The following GRIA1 variants were observed in gnomAD, a reference collection of about 807,000 sequenced individuals.
GRIA1 encodes glutamate receptor 1.
Under a neutral mutation model 99.2 loss-of-function variants are expected in GRIA1, and 31 were observed. The ratio of observed to expected loss-of-function variants is 0.31; its 90% CI spans 0.23 to 0.42. The LOEUF is 0.42. Ranked by LOEUF, GRIA1 falls within the 10% of genes least tolerant of loss-of-function variation. The pLI is 1.00. For synonymous variants in GRIA1, 438 were observed against 432.4 expected, an observed-to-expected ratio of 1.01 and a Z score of -0.16; for missense variants, 782 against 1,157.5, an observed-to-expected ratio of 0.68 and a Z score of 4.71.
chr5:153,528,736 T>A (rs1757833423), intron 2 of GRIA1, among the ~76,000 whole-genome samples: 3 of 152,314 alleles, frequency 2.0e-5, no homozygotes, highest in South Asian at 4.1e-4. Flanking sequence ...GTGTCTCCTC[T>A]CATAGTAGAC....
intron 11 of GRIA1, among the ~76,000 whole-genome samples, chr5:153,761,523 G>T (rs973132815): frequency 1.3e-5 from 2 of 152,112 alleles, no homozygotes; most frequent in East Asian, 3.9e-4. Flanking sequence ...AATAACAAAT[G>T]CTAGCAAGGG....
At chr5:153,516,463 A>C (rs996782672) in intron 2 of GRIA1, among the ~76,000 whole-genome samples, 2 of 151,996 alleles carry the variant, frequency 1.3e-5, no homozygotes, top group African/African-American at 4.8e-5. Context: ...GATTTTACCA[A>C]TGAACAAAGG....
chr5:153,743,353 G>T (rs1444014473), intron 11 of GRIA1, among the ~76,000 whole-genome samples: 1 of 152,124 alleles, frequency 6.6e-6, no homozygotes, highest in Non-Finnish European at 1.5e-5. Context: ...AGTCCAGTAG[G>T]CTGTGACTTG....
At chr5:153,506,316 G>GGT (rs61220170) in intron 2 of GRIA1, among the ~76,000 whole-genome samples, 6,616 of 140,304 alleles carry the variant, frequency 0.047, 222 homozygotes, top group African/African-American at 0.091. Flanking sequence ...TGGCAAGAAG[G>GGT]GTGTGTGTGT....
At chr5:153,600,676 G>T (rs1299789107) in intron 2 of GRIA1, among the ~76,000 whole-genome samples, 1 of 152,118 alleles carries the variant, frequency 6.6e-6, no homozygotes, top group Non-Finnish European at 1.5e-5. Context: ...TTGCCAGGCT[G>T]GGGGGCCAAA....
intron 11 of GRIA1, among the ~76,000 whole-genome samples, chr5:153,751,807 A>G (rs1432884544): frequency 6.6e-6 from 1 of 152,358 alleles, no homozygotes; most frequent in Non-Finnish European, 1.5e-5. Context: ...TAAACGATAC[A>G]TACACTATTT....
At chr5:153,594,365 C>A (rs1561671950) in intron 2 of GRIA1, among the ~76,000 whole-genome samples, 2 of 152,148 alleles carry the variant, frequency 1.3e-5, no homozygotes, top group Non-Finnish European at 2.9e-5. Flanking sequence ...TTCCAAGATT[C>A]TATTTCTTTG....
chr5:153,666,267 G>A (rs1265254561), intron 5 of GRIA1, among the ~76,000 whole-genome samples: 1 of 152,134 alleles, frequency 6.6e-6, no homozygotes, highest in Non-Finnish European at 1.5e-5. Context: ...ACGCTGTGGG[G>A]GCCAACGTCC....
chr5:153,811,496 A>G lies in GRIA1; in HGVS notation c.*271A>G, dbSNP rs1047406581. The G allele has an allele frequency of 7.5e-6, 3 of 398,086 alleles. No individual in the cohort carries two copies. The highest frequency in any genetic ancestry group is 1.4e-5 in the Non-Finnish European group (3 of 212,466). The allele number at this position is 398,086 out of a possible 1,614,324, so 24.7% of individuals were successfully genotyped here. On this transcript the variant is annotated 3_prime_UTR_variant, in exon 16 of 16. Transcript: ENST00000285900. Reference sequence around the variant, plus strand: ...CAATAAGGGGAGAGTAACCCTGTCTAATGAAACCTGTGTCTCTGAGAGTAG... The same window carrying G: ...CAATAAGGGGAGAGTAACCCTGTCTGATGAAACCTGTGTCTCTGAGAGTAG...
chr5:153,534,461 C>T (rs1396606094), intron 2 of GRIA1, among the ~76,000 whole-genome samples: 2 of 152,180 alleles, frequency 1.3e-5, no homozygotes, highest in Non-Finnish European at 2.9e-5. Context: ...AGGTAGTAAA[C>T]ACTTCAGAAA....
intron 2 of GRIA1, among the ~76,000 whole-genome samples, chr5:153,634,065 C>T (rs988930318): frequency 6.6e-6 from 1 of 151,942 alleles, no homozygotes; most frequent in African/African-American, 2.4e-5. Context: ...TCCTGTAATC[C>T]CAGCATTTTG....
intron 2 of GRIA1, among the ~76,000 whole-genome samples, chr5:153,536,219 C>T (rs1293875329): frequency 3.9e-5 from 6 of 152,154 alleles, no homozygotes; most frequent in Admixed American, 3.9e-4. Flanking sequence ...TGCCCTCTGA[C>T]CAAACTCAAT....
At chr5:153,759,561 A>G (rs1479171952) in intron 11 of GRIA1, among the ~76,000 whole-genome samples, 1 of 152,044 alleles carries the variant, frequency 6.6e-6, no homozygotes, top group Non-Finnish European at 1.5e-5. Context: ...AATCAGTAAT[A>G]AAAAGTCTCC....
At chr5:153,652,084 G>C (rs1754616729) in intron 4 of GRIA1, among the ~76,000 whole-genome samples, 1 of 152,184 alleles carries the variant, frequency 6.6e-6, no homozygotes, top group Admixed American at 6.5e-5. Context: ...CCCACAGTAA[G>C]TGGTACAAGC....
chr5:153,529,694 G>C (rs1432872560), intron 2 of GRIA1, among the ~76,000 whole-genome samples: 1 of 152,254 alleles, frequency 6.6e-6, no homozygotes, highest in South Asian at 2.1e-4. Flanking sequence ...ACTTAGTAAT[G>C]GTTATAAACT....
chr5:153,675,795 GTAATGATTGCACTC>G (rs1561755666), intron 6 of GRIA1, among the ~76,000 whole-genome samples: 1 of 151,978 alleles, frequency 6.6e-6, no homozygotes, highest in Non-Finnish European at 1.5e-5. Context: ...TAAGTAATGT[GTAATGATTGCACTC>G]CAATTTCCAA....
At chr5:153,664,327 A>T (rs1561743596) in intron 5 of GRIA1, among the ~76,000 whole-genome samples, 1 of 152,294 alleles carries the variant, frequency 6.6e-6, no homozygotes, top group East Asian at 1.9e-4. Flanking sequence ...AGGCACTAAA[A>T]GGTTGAGTAG....
chr5:153,725,779 A>G (rs1269252740), intron 11 of GRIA1, among the ~76,000 whole-genome samples: 1 of 130,132 alleles, frequency 7.7e-6, no homozygotes, highest in African/African-American at 3.0e-5. Flanking sequence ...AGACTCCCAC[A>G]CAATAATAAT....
At position 153,770,435 on chromosome 5, in the gene GRIA1, T is replaced by C. The variant is rs375549176; in HGVS notation, c.2270+20T>C. 3.1e-6 allele frequency: 5 copies of C among 1,605,126 alleles called. No individual in the cohort carries two copies. Among genetic ancestry groups the C allele is most frequent in the Non-Finnish European group, 4.3e-6 (5 of 1,173,314 alleles). On this transcript the variant is annotated intron_variant, in intron 13 of 15. Transcript: ENST00000285900. ...CCTGAGGTAAGTAGCCAAGATTTGC[T>C]TCCTTGGTACTCCCTCTCCCCTCCC...
Sources: gnomAD v4.1 joint callset for allele counts (sites outside exome capture counted in the v4.1 genomes callset) on GRCh38, gnomAD v4.1.1 for gene constraint, MANE v1.5 for transcripts, NCBI Gene and HGNC (gene_info 2026-07-23, HGNC 2026-07-21) for gene names.